PARD3B: variants seen among roughly 807,000 people sequenced by gnomAD.
PARD3B encodes the protein partitioning defective 3 homolog B.
In PARD3B, 103 loss-of-function variants were observed where a neutral mutation model predicts 130.2. The observed-to-expected ratio is 0.79, with a 90% CI of 0.67 to 0.93. The LOEUF (loss-of-function observed/expected upper bound fraction) is 0.93. Ranked by LOEUF, PARD3B falls within the 40% of genes least tolerant of loss-of-function variation. PARD3B has a pLI of 0.00. For missense variants in PARD3B, 1,609 were observed against 1,499.2 expected (o/e 1.07, Z -1.21); for synonymous variants, 583 against 553.2 (o/e 1.05, Z -0.76).
intron 2 of PARD3B, 111 bp downstream of exon 2, chr2:204,686,393 T>C (rs1559059314): frequency 8.6e-6 from 7 of 817,210 alleles, no homozygotes. Context: ...AAAGATACCA[T>C]CTGTTCAGGT....
intron 20 of PARD3B, among the ~76,000 whole-genome samples, chr2:205,471,657 C>T (rs1156707379): frequency 6.6e-6 from 1 of 152,104 alleles, no homozygotes; most frequent in Non-Finnish European, 1.5e-5. Flanking sequence ...GCCACCACGC[C>T]CGGCCCTCAT....
chr2:204,751,126 G>C (rs2040450294), intron 2 of PARD3B, among the ~76,000 whole-genome samples: 1 of 152,254 alleles, frequency 6.6e-6, no homozygotes, highest in East Asian at 1.9e-4. Context: ...GAAAGGAATT[G>C]ATGCTGAAAT....
intron 3 of PARD3B, among the ~76,000 whole-genome samples, chr2:205,013,287 C>G (rs1695870233): frequency 6.6e-6 from 1 of 152,146 alleles, no homozygotes; most frequent in Admixed American, 6.5e-5. Flanking sequence ...GTTCGTCTGT[C>G]TTCTTCTAGT....
rs1482492746 is a variant in PARD3B at position 205,226,104 on chromosome 2, C to T, written c.2141-19674C>T. 2.0e-5 allele frequency among the ~76,000 whole-genome samples: 3 copies of T among 152,340 alleles called. No individual in the cohort carries two copies. In the South Asian group the frequency reaches 6.2e-4, roughly 32 times the overall value. ...TCACCCAGGCCAGAGTGCAGTGGCA[C>T]AATCTCTGCTCACTGCAAGCTCCGC... On this transcript the variant is annotated intron_variant, in intron 15 of 22. Transcript: ENST00000406610.
intron 4 of PARD3B, among the ~76,000 whole-genome samples, chr2:205,093,426 T>C (rs1702225952): frequency 6.6e-6 from 1 of 151,908 alleles, no homozygotes; most frequent in African/African-American, 2.4e-5. Context: ...ATGAATGCCA[T>C]GACAGAGCTT....
At chr2:205,064,942 T>G (rs1159314030) in intron 4 of PARD3B, among the ~76,000 whole-genome samples, 1 of 152,200 alleles carries the variant, frequency 6.6e-6, no homozygotes, top group Non-Finnish European at 1.5e-5. Flanking sequence ...CAAATGGGGT[T>G]GCAGAAATGC....
chr2:204,850,192 T>TCA (rs2044650935), intron 2 of PARD3B, among the ~76,000 whole-genome samples: 1 of 152,162 alleles, frequency 6.6e-6, no homozygotes, highest in Non-Finnish European at 1.5e-5. Flanking sequence ...CCATTTTGTT[T>TCA]CATGGAAAAC....
At chr2:204,662,848 A>G (rs1402205026) in intron 1 of PARD3B, among the ~76,000 whole-genome samples, 1 of 152,202 alleles carries the variant, frequency 6.6e-6, no homozygotes, top group African/African-American at 2.4e-5. Context: ...CAATAACATG[A>G]TAGAATTATT....
intron 4 of PARD3B, among the ~76,000 whole-genome samples, chr2:205,049,021 C>T (rs1483792788): frequency 1.3e-5 from 2 of 152,166 alleles, no homozygotes; most frequent in African/African-American, 4.8e-5. Context: ...TGGGGGAAGA[C>T]AGCTATTCAG....
intron 2 of PARD3B, among the ~76,000 whole-genome samples, chr2:204,839,095 T>C (rs145403358): frequency 1.3e-5 from 2 of 152,270 alleles, no homozygotes; most frequent in Non-Finnish European, 2.9e-5. Flanking sequence ...CATTTAGGAT[T>C]TGATTTTAAG....
Position 204,919,777 on chromosome 2 carries a change from C to T in PARD3B, c.223-45375C>T, listed in dbSNP as rs116616044. Among the ~76,000 whole-genome samples, 576 of 152,232 alleles carry T rather than the reference C, an allele frequency of 3.8e-3. 5 individuals carry two copies. Among genetic ancestry groups the T allele is most frequent in the African/African-American group, 0.013 (545 of 41,534 alleles). On this transcript the variant is annotated intron_variant, in intron 2 of 22. Coordinates refer to ENST00000406610, the MANE Select transcript of PARD3B (RefSeq NM_001302769.2). ...CCTTCAAAACAGTCTTATTATCACC[C>T]ATTCTTGTTTAAGGCAAGCCATACG...
chr2:205,394,922 G>C (rs1253001558), intron 18 of PARD3B, among the ~76,000 whole-genome samples: 1 of 152,172 alleles, frequency 6.6e-6, no homozygotes, highest in East Asian at 1.9e-4. Context: ...GACATGAATA[G>C]TGTGATGGTT....
chr2:205,119,084 C>T (rs1191347698), intron 7 of PARD3B, 38 bp downstream of exon 7: 1 of 1,572,158 alleles, frequency 6.4e-7, no homozygotes, highest in Non-Finnish European at 8.6e-7. Context: ...CTTTCTTGAT[C>T]CCTAGCATGG....
intron 2 of PARD3B, among the ~76,000 whole-genome samples, chr2:204,918,555 G>A (rs1350313992): frequency 1.3e-5 from 2 of 150,454 alleles, no homozygotes; most frequent in Admixed American, 6.6e-5. Context: ...GCGTGAACCC[G>A]GGAGGCGGAG....
chr2:205,509,741 C>A (rs2050520941), intron 21 of PARD3B, among the ~76,000 whole-genome samples: 1 of 152,206 alleles, frequency 6.6e-6, no homozygotes, highest in Admixed American at 6.5e-5. Context: ...CTTCTGTTTC[C>A]ACGTATGGAG....
rs537474713 is a variant in PARD3B, at chr2:205,011,750, A to C, written c.395-35831A>C. On this transcript the variant is annotated intron_variant, in intron 3 of 22. Transcript: ENST00000406610. The surrounding 1 kb of genome is among the most constrained non-coding windows in gnomAD (Gnocchi z 4.1). ...TAGGGAACCTAGCTTGGAAATAAAGAAGGGGTCTCACCATTCAGTATTTGA... is the reference window on the plus strand; with the variant it reads ...TAGGGAACCTAGCTTGGAAATAAAGCAGGGGTCTCACCATTCAGTATTTGA... Among the ~76,000 whole-genome samples the C allele has an allele frequency of 1.3e-5, 2 of 151,946 alleles. No homozygotes were observed. The highest frequency in any genetic ancestry group is 1.3e-4 in the Admixed American group (2 of 15,274).
At chr2:204,914,337 A>G (rs577837494) in intron 2 of PARD3B, among the ~76,000 whole-genome samples, 6 of 152,320 alleles carry the variant, frequency 3.9e-5, no homozygotes, top group African/African-American at 1.4e-4. Context: ...TTTTAGCTGA[A>G]CTAAAGAGAA....
At chr2:205,314,273 A>G (rs1466691159) in intron 18 of PARD3B, among the ~76,000 whole-genome samples, 1 of 152,344 alleles carries the variant, frequency 6.6e-6, no homozygotes, top group East Asian at 1.9e-4. Context: ...TGCTTTGCGT[A>G]TAATAAAGAA....
intron 20 of PARD3B, among the ~76,000 whole-genome samples, chr2:205,442,552 C>T (rs1163576224): frequency 6.6e-6 from 1 of 152,192 alleles, no homozygotes; most frequent in South Asian, 2.1e-4. Context: ...CCACCCACCT[C>T]GGCATCCCAA....
Sources: gnomAD v4.1 joint callset for allele counts (sites outside exome capture counted in the v4.1 genomes callset) on GRCh38, gnomAD v4.1.1 for gene constraint, Gnocchi (gnomAD v3.1) non-coding constraint, MANE v1.5 for transcripts, NCBI Gene and HGNC (gene_info 2026-07-23, HGNC 2026-07-21) for gene names.